The following SH3D19 variants were observed in gnomAD, a reference collection of about 807,000 sequenced individuals.
SH3D19 encodes SH3 domain-containing protein 19.
Under a neutral mutation model 112.1 loss-of-function variants are expected in SH3D19, and 58 were observed. The ratio of observed to expected loss-of-function variants is 0.52; its 90% CI spans 0.42 to 0.64. The LOEUF (loss-of-function observed/expected upper bound fraction) is 0.64, where lower values mean the gene tolerates loss of function less well. Among genes scored for constraint, SH3D19 ranks in the 30% least tolerant of loss-of-function variants. The pLI is 0.00. For missense variants in SH3D19, 1,090 were observed against 1,263.4 expected (o/e 0.86, Z 2.08); for synonymous variants, 391 against 448.5 (o/e 0.87, Z 1.62).
chr4:151,206,856 G>A (rs913717119), intron 2 of SH3D19, among the ~76,000 whole-genome samples: 1 of 152,042 alleles, frequency 6.6e-6, no homozygotes, highest in African/African-American at 2.4e-5. Flanking sequence ...CTTTCTCTTT[G>A]GGACTACATC....
At chr4:151,276,110 T>G (rs999891686) in intron 1 of SH3D19, among the ~76,000 whole-genome samples, 2 of 152,192 alleles carry the variant, frequency 1.3e-5, no homozygotes, top group African/African-American at 4.8e-5. Context: ...CCCAAAGTGC[T>G]GGGATTACAG....
chr4:151,126,729 T>C (rs1181164131), intron 19 of SH3D19, among the ~76,000 whole-genome samples: 26 of 133,102 alleles, frequency 2.0e-4, no homozygotes, highest in African/African-American at 6.6e-4. Flanking sequence ...AACCGGGAGG[T>C]GGAGCTTGCA....
At chr4:151,214,924 G>GC (rs1766791482) in intron 2 of SH3D19, among the ~76,000 whole-genome samples, 2 of 143,946 alleles carry the variant, frequency 1.4e-5, no homozygotes, top group African/African-American at 5.0e-5. Context: ...TGGGGCGGTT[G>GC]CCAGGCGGAG....
intron 3 of SH3D19, among the ~76,000 whole-genome samples, chr4:151,182,190 T>C (rs1447447216): frequency 6.6e-6 from 1 of 152,114 alleles, no homozygotes; most frequent in Non-Finnish European, 1.5e-5. Context: ...GGTTTTGCTA[T>C]GCTGCCCAGA....
At chr4:151,289,315 G>C (rs1019853707) in intron 1 of SH3D19, among the ~76,000 whole-genome samples, 1 of 152,138 alleles carries the variant, frequency 6.6e-6, no homozygotes, top group Non-Finnish European at 1.5e-5. Context: ...TTGTGACCTT[G>C]ATTAGGCAAC....
At chr4:151,174,149 C>A (rs986137018) in intron 7 of SH3D19, among the ~76,000 whole-genome samples, 2 of 152,192 alleles carry the variant, frequency 1.3e-5, no homozygotes, top group African/African-American at 4.8e-5. Context: ...TTTTCGAGTC[C>A]TCCCCTGGAG....
chr4:151,285,145 T>G (rs1774624101), intron 1 of SH3D19, among the ~76,000 whole-genome samples: 1 of 152,220 alleles, frequency 6.6e-6, no homozygotes, highest in African/African-American at 2.4e-5. Context: ...GACTCTAGTT[T>G]CTGCCTGCTA....
chr4:151,325,447 G>T lies in SH3D19; in HGVS notation c.-95C>A. 1 of 547,706 alleles carries T rather than the reference G, an allele frequency of 1.8e-6. No homozygotes were observed. The highest frequency in any genetic ancestry group is 2.6e-6 in the Non-Finnish European group (1 of 382,170). The allele number at this position is 547,706 out of a possible 1,614,324, so 33.9% of individuals were successfully genotyped here. On this transcript the variant is annotated 5_prime_UTR_variant, in exon 1 of 20. Coordinates refer to ENST00000604030, the MANE Select transcript of SH3D19 (RefSeq NM_001378122.1). ...CCCGGCGCCCCACGCCACCGCCCTC[G>T]GGCCGGGGGGAAGGCGGCTCCCGGA...
intron 19 of SH3D19, among the ~76,000 whole-genome samples, chr4:151,125,983 C>T (rs1299053713): frequency 6.6e-6 from 1 of 151,596 alleles, no homozygotes; most frequent in Non-Finnish European, 1.5e-5. Context: ...AGTAAAACCC[C>T]ATCACAAAAT....
At chr4:151,208,387 A>C (rs116594481) in intron 2 of SH3D19, among the ~76,000 whole-genome samples, 2 of 151,946 alleles carry the variant, frequency 1.3e-5, no homozygotes, top group Non-Finnish European at 1.5e-5. Context: ...TCTTTTTTTT[A>C]AAGATGGAGT....
intron 2 of SH3D19, among the ~76,000 whole-genome samples, chr4:151,218,055 C>T (rs761740619): frequency 6.6e-6 from 1 of 152,000 alleles, no homozygotes; most frequent in Non-Finnish European, 1.5e-5. Context: ...GACACTGAAC[C>T]ACCACTCTTA....
chr4:151,303,182 G>A (rs1177417595), intron 1 of SH3D19, among the ~76,000 whole-genome samples: 1 of 152,124 alleles, frequency 6.6e-6, no homozygotes, highest in Non-Finnish European at 1.5e-5. Flanking sequence ...TTATAAATGA[G>A]GATTTGCTTT....
chr4:151,157,689 G>T (rs1456031025), intron 9 of SH3D19, among the ~76,000 whole-genome samples: 1 of 151,598 alleles, frequency 6.6e-6, no homozygotes, highest in Non-Finnish European at 1.5e-5. Flanking sequence ...ATCAACCTAG[G>T]TGTCCAACAA....
At chr4:151,307,597 G>A (rs996382013) in intron 1 of SH3D19, among the ~76,000 whole-genome samples, 1 of 152,248 alleles carries the variant, frequency 6.6e-6, no homozygotes, top group Non-Finnish European at 1.5e-5. Context: ...GAGGCCTTGC[G>A]AGGCCCCTTT....
In SH3D19 at chr4:151,128,335, A is replaced by T. The variant is rs1285670066; in HGVS notation, c.2764T>A (p.Trp922Arg). The change falls in exon 18 of 20, where the codon TGG becomes AGG. Residue 922 changes from tryptophan to arginine, a missense_variant. Physicochemically the swap from Trp to Arg is moderately radical, Grantham distance 101 (BLOSUM62 -3). Transcript: ENST00000604030. ...NSQVNSLPAEWCEALHSFTAE... is the reference protein window; with the variant it reads ...NSQVNSLPAERCEALHSFTAE... ...GTAAAACTGTGAAGAGCTTCACACCATTCTGCCGGAAGACTGTTAACCTGT... is the reference window on the plus strand; with the variant it reads ...GTAAAACTGTGAAGAGCTTCACACCTTTCTGCCGGAAGACTGTTAACCTGT... 3.7e-6 allele frequency: 6 copies of T among 1,613,356 alleles called. No homozygotes were observed. The Admixed American group carries it at 1.0e-4, about 27-fold the overall frequency.
intron 1 of SH3D19, among the ~76,000 whole-genome samples, chr4:151,239,641 C>G (rs909220746): frequency 6.6e-6 from 1 of 152,112 alleles, no homozygotes; most frequent in Non-Finnish European, 1.5e-5. Flanking sequence ...AAAGGATTCC[C>G]TTCTGTGGAA....
At chr4:151,237,063 G>C (rs781234352) in intron 1 of SH3D19, among the ~76,000 whole-genome samples, 9 of 152,182 alleles carry the variant, frequency 5.9e-5, no homozygotes, top group African/African-American at 1.7e-4. Flanking sequence ...CCTTGCTGCT[G>C]CTCACCCTTT....
chr4:151,191,284 T>C (rs1762585428), intron 2 of SH3D19, among the ~76,000 whole-genome samples: 2 of 152,210 alleles, frequency 1.3e-5, no homozygotes, highest in African/African-American at 4.8e-5. Flanking sequence ...CTGTGAACTT[T>C]TGAGTTAATA....
At chr4:151,144,348 G>A in intron 11 of SH3D19, 2 of 1,492,060 alleles carry the variant, frequency 1.3e-6, no homozygotes, top group Non-Finnish European at 9.3e-7. Flanking sequence ...TTAAGTTGCT[G>A]ATCATTTAGG....
Sources: gnomAD v4.1 joint callset for allele counts (sites outside exome capture counted in the v4.1 genomes callset) on GRCh38, gnomAD v4.1.1 for gene constraint, MANE v1.5 for transcripts, NCBI Gene and HGNC (gene_info 2026-07-23, HGNC 2026-07-21) for gene names.